Variants in XXYLT1 observed in about 807,000 individuals in gnomAD.
The protein encoded by XXYLT1 is xyloside xylosyltransferase 1.
In XXYLT1, 20 loss-of-function variants were observed where a neutral mutation model predicts 28.9. The observed-to-expected ratio is 0.69, with a 90% CI of 0.49 to 1.00. XXYLT1 has a LOEUF of 1.00. XXYLT1 is among the 50% of genes least tolerant of loss of function. XXYLT1 has a pLI of 0.00. For missense variants in XXYLT1, 542 were observed against 560.1 expected (o/e 0.97, Z 0.33); for synonymous variants, 257 against 253.8 (o/e 1.01, Z -0.12).
intron 3 of XXYLT1, among the ~76,000 whole-genome samples, chr3:195,099,378 AG>A (rs1716638927): frequency 6.6e-6 from 1 of 152,114 alleles, no homozygotes; most frequent in African/African-American, 2.4e-5. Flanking sequence ...CACACATTAC[AG>A]TGCCTCCCAA....
At chr3:195,189,822 T>C (rs1033704815) in intron 2 of XXYLT1, among the ~76,000 whole-genome samples, 1 of 152,132 alleles carries the variant, frequency 6.6e-6, no homozygotes, top group African/African-American at 2.4e-5. Context: ...CCAAACTTGA[T>C]GTAAAACATT....
chr3:195,128,459 C>T (rs754953514), intron 3 of XXYLT1, among the ~76,000 whole-genome samples: 2 of 152,156 alleles, frequency 1.3e-5, no homozygotes, highest in African/African-American at 2.4e-5. Flanking sequence ...GAAAATGAAA[C>T]CAGACCTCCC....
At chr3:195,112,804 AGGTGGTG>A (rs2108704716) in intron 3 of XXYLT1, among the ~76,000 whole-genome samples, 1 of 143,462 alleles carries the variant, frequency 7.0e-6, no homozygotes, top group Non-Finnish European at 1.5e-5. Context: ...TCCCAGCCCC[AGGTGGTG>A]GGAACAGCTG....
In XXYLT1 at chr3:195,150,932, G is replaced by A. The variant is rs1314548234; in HGVS notation, c.785+5517C>T. Among the ~76,000 whole-genome samples, 2 of 149,662 alleles carry A rather than the reference G, an allele frequency of 1.3e-5. No homozygotes were observed. The highest frequency in any genetic ancestry group is 4.9e-5 in the African/African-American group (2 of 40,584). ...CTCCAGGGTCAGCAGGAGCCCTGAA[G>A]CCTGAAGCCAAGCCATGACCAGGCC... On this transcript the variant is annotated intron_variant, in intron 3 of 3. Coordinates refer to ENST00000310380, the MANE Select transcript of XXYLT1 (RefSeq NM_152531.5). This position sits in a 1 kb window ranked among gnomAD's most constrained non-coding sequence, Gnocchi z 4.7.
intron 2 of XXYLT1, among the ~76,000 whole-genome samples, chr3:195,202,655 A>G: frequency 6.6e-6 from 1 of 152,194 alleles, no homozygotes. Flanking sequence ...TGGGACCCCT[A>G]AGAATACTTG....
At chr3:195,185,521 T>C (rs1449981918) in intron 2 of XXYLT1, among the ~76,000 whole-genome samples, 2 of 143,556 alleles carry the variant, frequency 1.4e-5, no homozygotes, top group Non-Finnish European at 1.5e-5. Flanking sequence ...TTTTTTTTTT[T>C]TCACTTTGAT....
At chr3:195,123,483 T>C (rs1327988498) in intron 3 of XXYLT1, among the ~76,000 whole-genome samples, 2 of 152,162 alleles carry the variant, frequency 1.3e-5, no homozygotes, top group African/African-American at 4.8e-5. Context: ...GTCGGTGATA[T>C]AACAGAGAAG....
At chr3:195,079,264 G>A (rs572026155) in intron 3 of XXYLT1, among the ~76,000 whole-genome samples, 21 of 152,256 alleles carry the variant, frequency 1.4e-4, no homozygotes, top group Non-Finnish European at 2.5e-4. Context: ...CCTGGGGAGC[G>A]TATGAACAGC....
At chr3:195,085,002 T>A (rs1296629380) in intron 3 of XXYLT1, among the ~76,000 whole-genome samples, 2 of 152,186 alleles carry the variant, frequency 1.3e-5, no homozygotes, top group African/African-American at 2.4e-5. Context: ...ACCCTCGAAA[T>A]GCCAAAAACC....
At chr3:195,090,724 T>C (rs112615466) in intron 3 of XXYLT1, among the ~76,000 whole-genome samples, 1 of 146,822 alleles carries the variant, frequency 6.8e-6, no homozygotes, top group Admixed American at 6.7e-5. Context: ...TTCAAAAAAT[T>C]AATGAATCCA....
intron 1 of XXYLT1, among the ~76,000 whole-genome samples, chr3:195,234,103 G>A (rs1438713100): frequency 4.0e-5 from 6 of 150,012 alleles, no homozygotes; most frequent in African/African-American, 1.5e-4. Flanking sequence ...TTTTTTAGTA[G>A]AGACGGGGTT....
intron 2 of XXYLT1, among the ~76,000 whole-genome samples, chr3:195,164,116 A>C (rs1560129289): frequency 6.6e-6 from 1 of 152,274 alleles, no homozygotes; most frequent in Non-Finnish European, 1.5e-5. Context: ...GAAAGAACTG[A>C]TATAGAGCAG....
intron 2 of XXYLT1, among the ~76,000 whole-genome samples, chr3:195,162,161 C>T (rs910833955): frequency 6.6e-5 from 10 of 152,020 alleles, no homozygotes; most frequent in African/African-American, 2.4e-4. Flanking sequence ...AATCCAAGAT[C>T]ACGCAGCTGG....
chr3:195,178,835 G>A (rs923913516), intron 2 of XXYLT1, among the ~76,000 whole-genome samples: 6 of 152,228 alleles, frequency 3.9e-5, no homozygotes, highest in African/African-American at 1.4e-4. Context: ...CTCTGAATTT[G>A]TAAAAGAAAG....
intron 3 of XXYLT1, among the ~76,000 whole-genome samples, chr3:195,107,535 G>GA (rs1377922854): frequency 5.5e-5 from 1 of 18,106 alleles, no homozygotes; most frequent in Non-Finnish European, 1.2e-4. Flanking sequence ...GAAGGAGGAG[G>GA]AGGGGGAGGA....
intron 3 of XXYLT1, among the ~76,000 whole-genome samples, chr3:195,107,867 A>G (rs2108686981): frequency 6.6e-6 from 1 of 151,614 alleles, no homozygotes; most frequent in East Asian, 1.9e-4. Context: ...TCCCACGTGG[A>G]GGCATCACCC....
At chr3:195,101,962 A>AG (rs1395870107) in intron 3 of XXYLT1, among the ~76,000 whole-genome samples, 1 of 14,962 alleles carries the variant, frequency 6.7e-5, no homozygotes, top group Admixed American at 9.7e-4. Flanking sequence ...AGGGGAGGGG[A>AG]GGGGACGGGG....
In XXYLT1 at chr3:195,132,256, T is replaced by C. The variant is rs577632895; in HGVS notation, c.785+24193A>G. On this transcript the variant is annotated intron_variant, in intron 3 of 3. Coordinates refer to ENST00000310380, the MANE Select transcript of XXYLT1 (RefSeq NM_152531.5). ...ATTGGCTTTATGGAGTTGGGATAAT[T>C]AAACATTCCAATGCTCCAGCCTGGG... Among the ~76,000 whole-genome samples the C allele has an allele frequency of 2.4e-4, 37 of 152,276 alleles. No individual in the cohort carries two copies. The South Asian group carries it at 7.3e-3, about 30-fold the overall frequency.
intron 2 of XXYLT1, among the ~76,000 whole-genome samples, chr3:195,162,754 C>T (rs972938432): frequency 1.3e-5 from 2 of 152,180 alleles, no homozygotes; most frequent in African/African-American, 4.8e-5. Context: ...TTATTTTGAA[C>T]TTGGCTGAAA....
Sources: allele counts gnomAD v4.1 joint callset (sites outside exome capture counted in the v4.1 genomes callset), GRCh38; gene constraint gnomAD v4.1.1; non-coding constraint Gnocchi (gnomAD v3.1); transcripts MANE v1.5; gene names NCBI Gene and HGNC (gene_info 2026-07-23, HGNC 2026-07-21).